CCNB2: variants seen among roughly 807,000 people sequenced by gnomAD.
CCNB2 encodes the protein cyclin B2.
A neutral mutation model predicts 51.1 loss-of-function variants in CCNB2; 39 were observed. The observed-to-expected ratio is 0.76, with a 90% CI of 0.59 to 1.00. The LOEUF is 1.00. Among genes scored for constraint, CCNB2 ranks in the 50% least tolerant of loss-of-function variants. The pLI is 0.00. For missense variants in CCNB2, 472 were observed against 470.3 expected, an observed-to-expected ratio of 1.00 and a Z score of -0.03; for synonymous variants, 174 against 165.5, an observed-to-expected ratio of 1.05 and a Z score of -0.40.
chr15:59,118,639 G>A (rs1480600386), intron 7 of CCNB2, among the ~76,000 whole-genome samples: 3 of 152,216 alleles, frequency 2.0e-5, no homozygotes, highest in African/African-American at 7.2e-5. Context: ...AGCCAAGATC[G>A]TGCTACTGCA....
At chr15:59,117,412 G>C in intron 7 of CCNB2, 44 bp downstream of exon 7, 1 of 1,590,248 alleles carries the variant, frequency 6.3e-7, no homozygotes, top group Non-Finnish European at 8.6e-7. Context: ...CTATATTTTA[G>C]TCCTTCGTAA....
intron 3 of CCNB2, among the ~76,000 whole-genome samples, chr15:59,112,006 C>T (rs2079259585): frequency 6.6e-6 from 1 of 151,990 alleles, no homozygotes; most frequent in African/African-American, 2.4e-5. Flanking sequence ...TGTGCGCCAC[C>T]ATGCCTGGCT....
chr15:59,113,131 A>G (rs777205434), intron 3 of CCNB2, among the ~76,000 whole-genome samples: 11 of 152,168 alleles, frequency 7.2e-5, no homozygotes, highest in Non-Finnish European at 1.2e-4. Flanking sequence ...CATAATTTTT[A>G]TAAATAATTA....
At chr15:59,123,693 C>T (rs74017364) in intron 8 of CCNB2, 66 bp downstream of exon 8, 33 of 384,570 alleles carry the variant, frequency 8.6e-5, no homozygotes, top group Middle Eastern at 9.5e-4. Flanking sequence ...GTATGTTGGG[C>T]GGGGGGGGGC....
intron 7 of CCNB2, among the ~76,000 whole-genome samples, chr15:59,118,691 A>T (rs899199179): frequency 1.3e-5 from 2 of 152,176 alleles, no homozygotes; most frequent in African/African-American, 4.8e-5. Context: ...CTCCAAAAAA[A>T]ATATAAAAAA....
intron 7 of CCNB2, among the ~76,000 whole-genome samples, chr15:59,118,694 A>G (rs1321771849): frequency 2.0e-5 from 3 of 152,142 alleles, no homozygotes; most frequent in East Asian, 1.9e-4. Flanking sequence ...CAAAAAAAAT[A>G]TAAAAAAGAA....
At chr15:59,108,165 G>A (rs1394653682) in intron 3 of CCNB2, among the ~76,000 whole-genome samples, 4 of 152,156 alleles carry the variant, frequency 2.6e-5, no homozygotes, top group Non-Finnish European at 4.4e-5. Context: ...GAACAAAGTA[G>A]CAACAAAGAT....
At chr15:59,111,271 C>T (rs1428626902) in intron 3 of CCNB2, among the ~76,000 whole-genome samples, 1 of 152,188 alleles carries the variant, frequency 6.6e-6, no homozygotes, top group African/African-American at 2.4e-5. Flanking sequence ...TGGGCACAAG[C>T]AATCCTCCCA....
chr15:59,123,523 A>G lies in CCNB2; in HGVS notation c.982A>G (p.Lys328Glu). 6.2e-7 allele frequency: 1 copy of G among 1,605,562 alleles called. No individual in the cohort carries two copies. The highest frequency in any genetic ancestry group is 8.5e-7 in the Non-Finnish European group (1 of 1,172,340). ...TCTGCTTCTTGTGTTTCAGAACTTAAAGCAGCAGTATTACACAGGATACAC... is the reference window on the plus strand; with the variant it reads ...TCTGCTTCTTGTGTTTCAGAACTTAGAGCAGCAGTATTACACAGGATACAC... ...KVLGQGKWNL[K>E]QQYYTGYTEN... is the part of the protein sequence containing the mutation. The change falls in exon 8 of 9, where the codon AAG (lysine) becomes GAG (glutamate). Residue 328 changes from lysine (K) to glutamate (E), a missense_variant. By Grantham distance (56) the Lys-to-Glu change is moderately conservative. Transcript: ENST00000288207.
intron 5 of CCNB2, among the ~76,000 whole-genome samples, chr15:59,116,295 G>T (rs1332667977): frequency 1.3e-5 from 2 of 152,176 alleles, no homozygotes; most frequent in Non-Finnish European, 2.9e-5. Context: ...GGCTGCCACA[G>T]ATACTCAAGT....
In CCNB2 at chr15:59,114,582, A is replaced by C; in HGVS notation, c.406A>C (p.Lys136Gln). ...ENPQLCSDYV[K>Q]DIYQYLRQLE... is the part of the protein sequence containing the mutation. ...CCCTCAGCTCTGCAGTGACTACGTT[A>C]AGGATATCTATCAGTATCTCAGGCA... is the stretch of plus-strand genomic sequence containing the variant. The change falls in exon 4 of 9, where the codon AAG (lysine) becomes CAG (glutamine). Residue 136 changes from lysine to glutamine, a missense_variant. Physicochemically the swap from Lys to Gln is moderately conservative, Grantham distance 53 (BLOSUM62 1). Transcript: ENST00000288207. 6.2e-7 allele frequency: 1 copy of C among 1,605,206 alleles called. No homozygotes were observed. The highest frequency in any genetic ancestry group is 8.5e-7 in the Non-Finnish European group (1 of 1,174,744).
Position 59,122,537 on chromosome 15 carries a change from C to CT in CCNB2, c.976-971dup, listed in dbSNP as rs1249924735. 3.6e-4 allele frequency among the ~76,000 whole-genome samples: 41 copies of CT among 114,574 alleles called. 1 individual carries two copies. Among genetic ancestry groups the CT allele is most frequent in the South Asian group, 5.9e-4 (2 of 3,392 alleles). The allele number at this position is 114,574 out of a possible 152,430, so 75.2% of individuals were successfully genotyped here. The stretch of plus-strand genomic sequence containing the variant: ...ACTGCGCCTGGCCTTTTTTTTTTTT[C>CT]TTTTTTTTTCTTTTTTTTTTGAGAC... On this transcript the variant is annotated intron_variant, in intron 7 of 8. Coordinates refer to ENST00000288207, the MANE Select transcript of CCNB2 (RefSeq NM_004701.4).
Position 59,108,600 on chromosome 15 carries a change from G to A in CCNB2, c.267+930G>A, listed in dbSNP as rs192367165. ...GACACATGGCTTGCACTGCAGGAGT[G>A]GTATCCTTACCCACTTGGATATTAA... is the stretch of plus-strand genomic sequence containing the variant. On this transcript the variant is annotated intron_variant, in intron 3 of 8. Transcript: ENST00000288207. 2.6e-5 allele frequency among the ~76,000 whole-genome samples: 4 copies of A among 152,194 alleles called. No homozygotes were observed. The East Asian group carries it at 7.7e-4, about 29-fold the overall frequency.
chr15:59,110,534 T>C (rs1039529707), intron 3 of CCNB2, among the ~76,000 whole-genome samples: 3 of 152,242 alleles, frequency 2.0e-5, no homozygotes, highest in Non-Finnish European at 2.9e-5. Context: ...GGGTTATCAC[T>C]GTTCTTTAGA....
At chr15:59,121,757 C>T (rs555042728) in intron 7 of CCNB2, among the ~76,000 whole-genome samples, 33 of 151,904 alleles carry the variant, frequency 2.2e-4, no homozygotes, top group Non-Finnish European at 4.1e-4. Context: ...CATGGTAAAA[C>T]TCTGTCTCTA....
intron 7 of CCNB2, among the ~76,000 whole-genome samples, chr15:59,119,477 A>C (rs530591948): frequency 7.3e-6 from 1 of 137,672 alleles, no homozygotes; most frequent in Non-Finnish European, 1.5e-5. Flanking sequence ...AAAAAAAAAA[A>C]CAAATCTGTA....
chr15:59,121,934 A>C (rs1287487740), intron 7 of CCNB2, among the ~76,000 whole-genome samples: 1 of 127,446 alleles, frequency 7.8e-6, no homozygotes, highest in Non-Finnish European at 1.6e-5. Context: ...TCTGTCTCAA[A>C]AAAAAAAAAA....
chr15:59,118,654 A>G (rs1484470569), intron 7 of CCNB2, among the ~76,000 whole-genome samples: 4 of 152,262 alleles, frequency 2.6e-5, no homozygotes, highest in Non-Finnish European at 4.4e-5. Flanking sequence ...ACTGCACTCC[A>G]GCCTGGCGGA....
chr15:59,112,166 C>G (rs1399518831), intron 3 of CCNB2, among the ~76,000 whole-genome samples: 3 of 151,634 alleles, frequency 2.0e-5, no homozygotes, highest in African/African-American at 7.3e-5. Context: ...TTCTCAAATT[C>G]TTGTATAAAT....
Sources: gnomAD v4.1 joint callset for allele counts (sites outside exome capture counted in the v4.1 genomes callset) on GRCh38, gnomAD v4.1.1 for gene constraint, MANE v1.5 for transcripts, NCBI Gene and HGNC (gene_info 2026-07-23, HGNC 2026-07-21) for gene names.